MOBP: variants seen among roughly 807,000 people sequenced by gnomAD.
MOBP encodes myelin-associated oligodendrocyte basic protein.
Under a neutral mutation model 15.0 loss-of-function variants are expected in MOBP, and 5 were observed. That is an observed-to-expected ratio of 0.33 (90% confidence interval 0.17 to 0.70). The LOEUF is 0.70. MOBP is among the 30% of genes least tolerant of loss of function. The probability of loss-of-function intolerance (pLI) is 0.67; values close to 1 mark genes in which losing one functional copy is unlikely to be tolerated. For missense variants in MOBP, 188 were observed against 257.8 expected (o/e 0.73, Z 1.85); for synonymous variants, 88 against 99.0 (o/e 0.89, Z 0.66).
downstream of MOBP, among the ~76,000 whole-genome samples, chr3:39,505,121 T>A (rs899018334): frequency 1.3e-5 from 2 of 152,216 alleles, no homozygotes; most frequent in African/African-American, 4.8e-5. Context: ...TTCTAAGATT[T>A]TAGGATTTCA....
chr3:39,482,025 C>T (rs1707956), intron 2 of MOBP, among the ~76,000 whole-genome samples: 54,159 of 152,038 alleles, frequency 0.36, 13,436 homozygotes, highest in African/African-American at 0.71. Flanking sequence ...GCCAACTTCT[C>T]CTCTGAACTA....
At chr3:39,504,029 C>T (rs942925555), downstream of MOBP, among the ~76,000 whole-genome samples, 1 of 152,150 alleles carries the variant, frequency 6.6e-6, no homozygotes, top group Non-Finnish European at 1.5e-5. Flanking sequence ...CTGACCTAAA[C>T]AATCCATAAA....
At chr3:39,497,760 A>C (rs1271559177) in intron 2 of MOBP, among the ~76,000 whole-genome samples, 1 of 152,262 alleles carries the variant, frequency 6.6e-6, no homozygotes, top group Non-Finnish European at 1.5e-5. Flanking sequence ...TTAATAAAAC[A>C]AATTCAATTT....
intron 1 of MOBP, among the ~76,000 whole-genome samples, chr3:39,475,001 C>T (rs931373247): frequency 1.3e-5 from 2 of 152,134 alleles, no homozygotes; most frequent in Admixed American, 1.3e-4. Context: ...ACAAGTTTTA[C>T]CACTAAAGTC....
intron 2 of MOBP, among the ~76,000 whole-genome samples, chr3:39,494,501 A>T (rs1186430435): frequency 5.3e-5 from 8 of 151,866 alleles, no homozygotes; most frequent in Non-Finnish European, 1.0e-4. Context: ...CAGAGAGTTC[A>T]TAGTTATCTT....
At chr3:39,503,786 C>G (rs1406700940), downstream of MOBP, among the ~76,000 whole-genome samples, 1 of 151,962 alleles carries the variant, frequency 6.6e-6, no homozygotes, top group Non-Finnish European at 1.5e-5. Context: ...ATTTGAGATT[C>G]TCATATCTAC....
At chr3:39,509,561 G>A (rs2043093394) in intron 4 of MOBP, among the ~76,000 whole-genome samples, 1 of 151,978 alleles carries the variant, frequency 6.6e-6, no homozygotes, top group African/African-American at 2.4e-5. Flanking sequence ...AAATCGGATT[G>A]TTTTATTATT....
At chr3:39,528,241 C>T (rs1322827328), downstream of MOBP, 2 of 152,106 alleles carry the variant, frequency 1.3e-5, no homozygotes, top group South Asian at 2.1e-4. Flanking sequence ...GATTTATGCT[C>T]TTGGATATTT....
chr3:39,512,047 A>G (rs2043126577), intron 4 of MOBP, among the ~76,000 whole-genome samples: 1 of 152,178 alleles, frequency 6.6e-6, no homozygotes, highest in Non-Finnish European at 1.5e-5. Flanking sequence ...TTATTGGAAC[A>G]ATTATTTAAT....
In MOBP at chr3:39,502,947, G is replaced by A. The variant is rs972649352; in HGVS notation, c.*67G>A. On this transcript the variant is annotated 3_prime_UTR_variant, in exon 4 of 4. Coordinates refer to ENST00000684792, the MANE Select transcript of MOBP (RefSeq NM_001393704.1). The surrounding 1 kb of genome is among the most constrained non-coding windows in gnomAD (Gnocchi z 6.3). ...GTTGCTTCCTGTGTTTACTAACACC[G>A]GGCTGTCTCCATGGCCCTCTTCAGC... 2 of 742,714 alleles carry A rather than the reference G, an allele frequency of 2.7e-6. No homozygotes were observed. Among genetic ancestry groups the A allele is most frequent in the Non-Finnish European group, 4.3e-6 (2 of 464,696 alleles). The allele number at this position is 742,714 out of a possible 1,614,324, so 46.0% of individuals were successfully genotyped here.
At position 39,514,718 on chromosome 3, in the gene MOBP, G is replaced by A. The variant is rs78358313; in HGVS notation, c.*1335G>A. 5.8e-3 allele frequency: 891 copies of A among 152,546 alleles called. 3 individuals are homozygous for A. The highest frequency in any genetic ancestry group is 9.4e-3 in the Non-Finnish European group (644 of 68,232). 9.4% of individuals were successfully genotyped at this position (152,546 alleles called of 1,614,324 possible). On this transcript the variant is annotated 3_prime_UTR_variant, in exon 5 of 5. Coordinates refer to the MOBP transcript ENST00000311042. ...CTGAACCCAATTATGATGGGACAGG[G>A]TTGGGCATTGACTTCCCATCTCTTC...
Position 39,469,026 on chromosome 3 carries a change from A to ATATATACATATATACATATGTGTGTG in MOBP, c.-89+1292_-89+1293insCATATATACATATGTGTGTGTATATA, listed in dbSNP as rs1559411926. On this transcript the variant is annotated intron_variant, in intron 1 of 3. Coordinates refer to ENST00000684792, the MANE Select transcript of MOBP (RefSeq NM_001393704.1). Reference sequence around the variant, plus strand: ...TATATACATATATACATATGTGTGTATATATATACATATATACATATGTGT... The same window carrying ATATATACATATATACATATGTGTGTG: ...TATATACATATATACATATGTGTGTATATATACATATATACATATGTGTGTGTATATATACATATATACATATGTGT... Among the ~76,000 whole-genome samples, 7 of 40,606 alleles carry ATATATACATATATACATATGTGTGTG rather than the reference A, an allele frequency of 1.7e-4. 2 individuals carry two copies. The highest frequency in any genetic ancestry group is 2.5e-4 in the Non-Finnish European group (6 of 24,044). The allele number at this position is 40,606 out of a possible 152,430, so 26.6% of individuals were successfully genotyped here. A position where few individuals can be genotyped will look rare whatever the true frequency, so the allele number is the denominator to read the frequency against.
chr3:39,502,884 C>T lies in MOBP; in HGVS notation c.*4C>T, dbSNP rs1213198585. 5 of 1,183,008 alleles carry T rather than the reference C, an allele frequency of 4.2e-6. No homozygotes were observed. The highest frequency in any genetic ancestry group is 1.5e-5 in the African/African-American group (1 of 64,994). The allele number at this position is 1,183,008 out of a possible 1,614,324, so 73.3% of individuals were successfully genotyped here. A position where few individuals can be genotyped will look rare whatever the true frequency, so the allele number is the denominator to read the frequency against. On this transcript the variant is annotated 3_prime_UTR_variant, in exon 4 of 4. Transcript: ENST00000684792. The surrounding 1 kb of genome is among the most constrained non-coding windows in gnomAD (Gnocchi z 6.3). ...CAAAGCTTCTAGGTTCTGGTAACACCATCTCTTCCCTTTTGTTCCCCAGCC... is the reference window on the plus strand; with the variant it reads ...CAAAGCTTCTAGGTTCTGGTAACACTATCTCTTCCCTTTTGTTCCCCAGCC...
At chr3:39,513,356 G>A in intron 4 of MOBP, 1 of 1,609,790 alleles carries the variant, frequency 6.2e-7, no homozygotes, top group Non-Finnish European at 8.5e-7. Flanking sequence ...TATGTCATGT[G>A]TTTTTCTTTT....
At chr3:39,513,727 A>G (rs1458769988) in exon 5 of MOBP, 1 of 368,208 alleles carries the variant, frequency 2.7e-6, no homozygotes, top group Admixed American at 4.3e-5. Context: ...TCTCCAGGAT[A>G]TGCACAGGCC....
At chr3:39,503,606 T>C (rs969153480), downstream of MOBP, among the ~76,000 whole-genome samples, 1 of 148,276 alleles carries the variant, frequency 6.7e-6, no homozygotes, top group African/African-American at 2.5e-5. Context: ...AAGGGGAAGG[T>C]ACAGAGATTT....
In MOBP at chr3:39,476,664, A is replaced by G. The variant is rs73066237; in HGVS notation, c.-88-3376A>G. Among the ~76,000 whole-genome samples the G allele has an allele frequency of 1.8e-3, 268 of 152,046 alleles. 1 individual carries two copies. Among genetic ancestry groups the G allele is most frequent in the Non-Finnish European group, 3.1e-3 (209 of 67,950 alleles). ...TCCCTTCAGTGTGGTTATGTGATTC[A>G]TTTCATTTGATTTATTTATTGTAGT... On this transcript the variant is annotated intron_variant, in intron 1 of 3. Coordinates refer to ENST00000684792, the MANE Select transcript of MOBP (RefSeq NM_001393704.1).
At position 39,502,007 on chromosome 3, in the gene MOBP, C is replaced by T; in HGVS notation, c.-4-59C>T. On this transcript the variant is annotated intron_variant, in intron 2 of 3. Coordinates refer to ENST00000684792, the MANE Select transcript of MOBP (RefSeq NM_001393704.1). The surrounding 1 kb of genome is among the most constrained non-coding windows in gnomAD (Gnocchi z 6.3). ...AGCAGGGGGCTTCCAGAGTAGAGGG[C>T]TCCCTTTCCTGATGTGCGTTTATGT... 8 of 1,433,338 alleles carry T rather than the reference C, an allele frequency of 5.6e-6. No homozygotes were observed. Among genetic ancestry groups the T allele is most frequent in the Admixed American group, 5.1e-5 (3 of 58,634 alleles). 88.8% of individuals were successfully genotyped at this position (1,433,338 alleles called of 1,614,324 possible). A position where few individuals can be genotyped will look rare whatever the true frequency, so the allele number is the denominator to read the frequency against.
At position 39,502,808 on chromosome 3, in the gene MOBP, G is replaced by T; in HGVS notation, c.480G>T (p.Pro160=). The change falls in exon 4 of 4, where the codon CCG becomes CCT. Residue 160 remains proline (P), a synonymous_variant. Transcript: ENST00000684792. The surrounding 1 kb of genome is among the most constrained non-coding windows in gnomAD (Gnocchi z 6.3). Reference sequence around the variant, plus strand: ...CCCCTCAGAAGTCCAAGCAACAGCCGCGCAGCAGCCCCCTCAGAGGGCCAG... The same window carrying T: ...CCCCTCAGAAGTCCAAGCAACAGCCTCGCAGCAGCCCCCTCAGAGGGCCAG... The part of the protein sequence containing the change: ...QRPPQKSKQQ[P]RSSPLRGPGA... The T allele has an allele frequency of 1.3e-6, 2 of 1,533,452 alleles. No homozygotes were observed. Among genetic ancestry groups the T allele is most frequent in the Non-Finnish European group, 1.7e-6 (2 of 1,145,016 alleles). The allele number at this position is 1,533,452 out of a possible 1,614,324, so 95.0% of individuals were successfully genotyped here. A position where few individuals can be genotyped will look rare whatever the true frequency, so the allele number is the denominator to read the frequency against.
Sources: allele counts gnomAD v4.1 joint callset (sites outside exome capture counted in the v4.1 genomes callset), GRCh38; gene constraint gnomAD v4.1.1; non-coding constraint Gnocchi (gnomAD v3.1); transcripts MANE v1.5; gene names NCBI Gene and HGNC (gene_info 2026-07-23, HGNC 2026-07-21).